The following ZNG1A variants were observed in gnomAD, a reference collection of about 807,000 sequenced individuals.
ZNG1A encodes the protein zinc-regulated GTPase metalloprotein activator 1A.
chr9:139,988 C>A, the ZNG1A span, among the ~76,000 whole-genome samples: 1 of 150,644 alleles, frequency 6.6e-6, no homozygotes, highest in Non-Finnish European at 1.5e-5. Flanking sequence ...GAGATTATAT[C>A]CCGCACCTGG....
chr9:123,658 GATTTAGT>G, the ZNG1A span: 1 of 568,326 alleles, frequency 1.8e-6, no homozygotes, highest in East Asian at 2.8e-5. Context: ...GGTACCAATG[GATTTAGT>G]ATTTACACAA....
chr9:162,698 G>T, the ZNG1A span, among the ~76,000 whole-genome samples: 3 of 150,606 alleles, frequency 2.0e-5, no homozygotes, highest in Non-Finnish European at 2.9e-5. Flanking sequence ...CACTAGAAAC[G>T]ATATAAAACA....
At chr9:156,183 C>T in the ZNG1A span, among the ~76,000 whole-genome samples, 3 of 142,616 alleles carry the variant, frequency 2.1e-5, no homozygotes, top group Non-Finnish European at 4.6e-5. Flanking sequence ...AATCTTCAAT[C>T]CCAAAGAAAT....
the ZNG1A span, among the ~76,000 whole-genome samples, chr9:157,984 T>C: frequency 2.0e-5 from 3 of 150,250 alleles, no homozygotes; most frequent in Middle Eastern, 3.4e-3. Flanking sequence ...ATACTTCTAC[T>C]TCAGGCAAAA....
chr9:130,008 C>G, the ZNG1A span, among the ~76,000 whole-genome samples: 2 of 150,540 alleles, frequency 1.3e-5, no homozygotes, highest in Non-Finnish European at 2.9e-5. Context: ...ATATATGTTA[C>G]TGTACTGAAC....
chr9:159,797 C>T, the ZNG1A span, among the ~76,000 whole-genome samples: 2 of 151,916 alleles, frequency 1.3e-5, no homozygotes, highest in Non-Finnish European at 2.9e-5. Context: ...TGTCTGGTGT[C>T]ATTTTTAAAA....
the ZNG1A span, chr9:172,096 C>G: frequency 1.4e-4 from 220 of 1,611,094 alleles, no homozygotes; most frequent in Non-Finnish European, 8.9e-5. Flanking sequence ...TCTGCTAATC[C>G]AGTGGTCTCT....
the ZNG1A span, chr9:172,892 T>C: frequency 3.4e-6 from 1 of 298,026 alleles, no homozygotes; most frequent in Non-Finnish European, 6.3e-6. Context: ...TAGTAGAACA[T>C]AACGTAAGGT....
At chr9:155,432 T>C in the ZNG1A span, among the ~76,000 whole-genome samples, 5 of 151,988 alleles carry the variant, frequency 3.3e-5, no homozygotes, top group African/African-American at 9.7e-5. Context: ...TAAAAAAAAA[T>C]AAGCTATACT....
the ZNG1A span, among the ~76,000 whole-genome samples, chr9:143,910 CAGAG>C: frequency 3.6e-3 from 130 of 36,354 alleles, no homozygotes; most frequent in South Asian, 0.02. Context: ...AACAGACAAA[CAGAG>C]AGCCAAATCA....
chr9:146,110 A>G, the ZNG1A span: 1 of 1,564,226 alleles, frequency 6.4e-7, no homozygotes, highest in Non-Finnish European at 8.6e-7. Flanking sequence ...ACCTTATTCC[A>G]GAGAGACTAT....
the ZNG1A span, chr9:163,861 G>A: frequency 1.1e-5 from 12 of 1,110,600 alleles, no homozygotes; most frequent in Non-Finnish European, 1.6e-5. Flanking sequence ...AGGTTGCAGT[G>A]AGCCGAGATC....
chr9:167,455 G>A, the ZNG1A span: 1 of 149,974 alleles, frequency 6.7e-6, no homozygotes, highest in Non-Finnish European at 1.5e-5. Flanking sequence ...AATCCTTCAA[G>A]TAATATAAAA....
chr9:149,543 A>C, the ZNG1A span: 1 of 151,022 alleles, frequency 6.6e-6, no homozygotes, highest in African/African-American at 2.4e-5. Context: ...CATTCCCTCT[A>C]TTTTCCTATT....
chr9:166,088 G>A, the ZNG1A span: 16 of 141,012 alleles, frequency 1.1e-4, 1 homozygote, highest in Admixed American at 9.2e-4. Flanking sequence ...CCATCTCTTT[G>A]CTTTGGGAAG....
At chr9:157,722 A>G in the ZNG1A span, among the ~76,000 whole-genome samples, 5 of 147,464 alleles carry the variant, frequency 3.4e-5, no homozygotes, top group African/African-American at 1.3e-4. Flanking sequence ...GAAATCTTTT[A>G]TGCCACATAA....
the ZNG1A span, among the ~76,000 whole-genome samples, chr9:128,747 G>C: frequency 4.7e-5 from 7 of 150,470 alleles, no homozygotes; most frequent in African/African-American, 1.7e-4. Context: ...GGGTGTTAAA[G>C]AACCTTGTTT....
the ZNG1A span, among the ~76,000 whole-genome samples, chr9:133,348 T>C: frequency 7.7e-6 from 1 of 129,618 alleles, no homozygotes; most frequent in African/African-American, 3.1e-5. Context: ...AGTAGTAAAG[T>C]GACATAGTGT....
chr9:142,994 GA>G, the ZNG1A span, among the ~76,000 whole-genome samples: 1 of 143,250 alleles, frequency 7.0e-6, no homozygotes, highest in Non-Finnish European at 1.5e-5. Context: ...ACTAAACCAG[GA>G]AGAAGTTGAA....
Sources: gnomAD v4.1 joint callset for allele counts (sites outside exome capture counted in the v4.1 genomes callset) on GRCh38, gnomAD v4.1.1 for gene constraint, MANE v1.5 for transcripts, NCBI Gene and HGNC (gene_info 2026-07-23, HGNC 2026-07-21) for gene names.